PARD3: variants seen among roughly 807,000 people sequenced by gnomAD.
PARD3 encodes par-3 family cell polarity regulator.
A neutral mutation model predicts 155.4 loss-of-function variants in PARD3; 75 were observed. The observed-to-expected ratio is 0.48, with a 90% CI of 0.40 to 0.58. The LOEUF is 0.58. PARD3 is among the 20% of genes least tolerant of loss of function. PARD3 has a pLI of 0.00. For missense variants in PARD3, 1,642 were observed against 1,721.7 expected (o/e 0.95, Z 0.82); for synonymous variants, 576 against 610.5 (o/e 0.94, Z 0.83).
intron 2 of PARD3, among the ~76,000 whole-genome samples, chr10:34,651,011 C>CAAAAAAAAAAAAAAAAAAA (rs60113552): frequency 4.5e-5 from 2 of 44,546 alleles, no homozygotes; most frequent in African/African-American, 1.8e-4. Context: ...AACTCTGTCT[C>CAAAAAAAAAAAAAAAAAAA]AAAAAAAAAA....
At chr10:34,346,316 T>C (rs182755511) in intron 15 of PARD3, 2 of 1,261,700 alleles carry the variant, frequency 1.6e-6, no homozygotes, top group Admixed American at 5.3e-5. Context: ...CTAGCTGAAT[T>C]TAGGGATTTT....
At chr10:34,232,764 G>C (rs1323079653) in intron 22 of PARD3, among the ~76,000 whole-genome samples, 1 of 152,062 alleles carries the variant, frequency 6.6e-6, no homozygotes, top group Non-Finnish European at 1.5e-5. Flanking sequence ...GCAATGGTGT[G>C]ATCATAGCTC....
intron 3 of PARD3, among the ~76,000 whole-genome samples, chr10:34,479,856 T>C (rs969548885): frequency 2.6e-5 from 4 of 151,748 alleles, no homozygotes; most frequent in African/African-American, 9.7e-5. Flanking sequence ...CAGAGAGGGG[T>C]CTTTGAGGAC....
At chr10:34,523,036 C>A (rs2133709953) in intron 2 of PARD3, among the ~76,000 whole-genome samples, 1 of 152,244 alleles carries the variant, frequency 6.6e-6, no homozygotes, top group Non-Finnish European at 1.5e-5. Context: ...CCTGCCTTTA[C>A]CAAATTAATG....
intron 1 of PARD3, among the ~76,000 whole-genome samples, chr10:34,736,239 C>T (rs971600500): frequency 2.6e-5 from 4 of 151,924 alleles, no homozygotes; most frequent in Non-Finnish European, 2.9e-5. Flanking sequence ...ACCGTGTTAG[C>T]CAGGATGGTC....
chr10:34,151,130 C>G (rs890860438), intron 22 of PARD3, among the ~76,000 whole-genome samples: 2 of 151,700 alleles, frequency 1.3e-5, no homozygotes, highest in African/African-American at 4.8e-5. Flanking sequence ...TCAATATACA[C>G]CAATACTTTC....
chr10:34,658,075 G>C (rs1260835338), intron 2 of PARD3, among the ~76,000 whole-genome samples: 11 of 151,680 alleles, frequency 7.3e-5, no homozygotes. Flanking sequence ...GAACCTGGGA[G>C]GCGGAGCTTC....
intron 5 of PARD3, among the ~76,000 whole-genome samples, chr10:34,437,290 A>G (rs1453267754): frequency 9.9e-5 from 15 of 152,184 alleles, no homozygotes; most frequent in Admixed American, 9.8e-4. Flanking sequence ...GATACACTCC[A>G]GTGACTAAGA....
intron 2 of PARD3, among the ~76,000 whole-genome samples, chr10:34,659,538 T>TG (rs1564471686): frequency 6.6e-6 from 1 of 152,188 alleles, no homozygotes; most frequent in Non-Finnish European, 1.5e-5. Context: ...TAATGCTAGA[T>TG]GATACATAAT....
intron 1 of PARD3, among the ~76,000 whole-genome samples, chr10:34,789,077 T>C (rs1290853191): frequency 6.6e-6 from 1 of 152,230 alleles, no homozygotes; most frequent in Non-Finnish European, 1.5e-5. Flanking sequence ...TTCCCAACAA[T>C]AGTTAACTAG....
chr10:34,204,425 A>G (rs1365663898), intron 22 of PARD3, among the ~76,000 whole-genome samples: 2 of 152,214 alleles, frequency 1.3e-5, no homozygotes, highest in Non-Finnish European at 2.9e-5. Flanking sequence ...TAGGAAAACC[A>G]CAACCACTTG....
intron 1 of PARD3, among the ~76,000 whole-genome samples, chr10:34,716,735 G>T (rs890714262): frequency 6.6e-6 from 1 of 151,790 alleles, no homozygotes; most frequent in African/African-American, 2.4e-5. Context: ...TGGGATTACA[G>T]GCATGCGCCA....
chr10:34,803,459 C>T (rs1667896068), intron 1 of PARD3, among the ~76,000 whole-genome samples: 1 of 152,062 alleles, frequency 6.6e-6, no homozygotes, highest in Admixed American at 6.6e-5. Flanking sequence ...CTGTGTGAGT[C>T]TTAAAACGTA....
intron 2 of PARD3, among the ~76,000 whole-genome samples, chr10:34,540,040 G>A (rs1031117009): frequency 2.0e-5 from 3 of 152,196 alleles, no homozygotes; most frequent in Non-Finnish European, 4.4e-5. Context: ...GCGGAATGGG[G>A]AGTCAGAGTC....
chr10:34,698,459 T>A (rs2094214305), intron 1 of PARD3, among the ~76,000 whole-genome samples: 1 of 152,198 alleles, frequency 6.6e-6, no homozygotes, highest in Non-Finnish European at 1.5e-5. Context: ...TGTCTGTCCA[T>A]CAAGACTTCT....
At chr10:34,196,763 C>T (rs1023014055) in intron 22 of PARD3, among the ~76,000 whole-genome samples, 15 of 151,764 alleles carry the variant, frequency 9.9e-5, no homozygotes, top group Non-Finnish European at 4.4e-5. Context: ...TTAGTAGAGA[C>T]AGGGTTACAC....
intron 22 of PARD3, among the ~76,000 whole-genome samples, chr10:34,227,216 C>A (rs569001733): frequency 6.6e-6 from 1 of 152,208 alleles, no homozygotes; most frequent in Non-Finnish European, 1.5e-5. Flanking sequence ...TGAACAGACA[C>A]TTCCCAAAAG....
At chr10:34,749,657 G>T (rs973721777) in intron 1 of PARD3, among the ~76,000 whole-genome samples, 2 of 152,086 alleles carry the variant, frequency 1.3e-5, no homozygotes, top group Admixed American at 1.3e-4. Context: ...CATTTAATAT[G>T]TATTGCCGGA....
intron 5 of PARD3, among the ~76,000 whole-genome samples, chr10:34,449,320 C>T (rs752319844): frequency 4.6e-5 from 7 of 151,742 alleles, no homozygotes; most frequent in Non-Finnish European, 8.8e-5. Flanking sequence ...GTCAATTATA[C>T]TTCAATAAAG....
Sources: gnomAD v4.1 joint callset for allele counts (sites outside exome capture counted in the v4.1 genomes callset) on GRCh38, gnomAD v4.1.1 for gene constraint, MANE v1.5 for transcripts, NCBI Gene and HGNC (gene_info 2026-07-23, HGNC 2026-07-21) for gene names.